Variants in SPMAP2L observed in about 807,000 individuals in gnomAD.
SPMAP2L encodes sperm microtubule associated protein 2-like.
chr4:56,596,122 T>G, the SPMAP2L span, among the ~76,000 whole-genome samples: 1 of 152,232 alleles, frequency 6.6e-6, no homozygotes, highest in South Asian at 2.1e-4. Flanking sequence ...GGACAAATGT[T>G]TACATTTTGT....
the SPMAP2L span, among the ~76,000 whole-genome samples, chr4:56,609,092 C>T: frequency 1.4e-4 from 21 of 148,156 alleles, 1 homozygote; most frequent in South Asian, 1.3e-3. Flanking sequence ...CTCTGTCACC[C>T]GGACTGGAGT....
chr4:56,543,766 T>C, the SPMAP2L span, among the ~76,000 whole-genome samples: 1 of 152,150 alleles, frequency 6.6e-6, no homozygotes, highest in South Asian at 2.1e-4. Flanking sequence ...TGAGATTATA[T>C]TCCCAAGAAT....
chr4:56,598,981 C>T, the SPMAP2L span, among the ~76,000 whole-genome samples: 41 of 152,122 alleles, frequency 2.7e-4, no homozygotes, highest in Admixed American at 4.6e-4. Flanking sequence ...CTCTTGCCCC[C>T]GACCATGTAA....
the SPMAP2L span, among the ~76,000 whole-genome samples, chr4:56,566,398 C>T: frequency 6.6e-6 from 1 of 152,030 alleles, no homozygotes; most frequent in Admixed American, 6.6e-5. Flanking sequence ...AGGGTTTCAC[C>T]ATGTTGGCCA....
chr4:56,593,218 A>G, the SPMAP2L span: 3 of 1,349,176 alleles, frequency 2.2e-6, no homozygotes, highest in Non-Finnish European at 3.2e-6. Flanking sequence ...GTGACATCAC[A>G]GGCCTGGACA....
At chr4:56,589,599 G>A in the SPMAP2L span, among the ~76,000 whole-genome samples, 40,907 of 151,890 alleles carry the variant, frequency 0.27, 7,270 homozygotes, top group African/African-American at 0.5. Flanking sequence ...TGTGTCATCT[G>A]TGATTTCTTT....
At chr4:56,568,218 A>C in the SPMAP2L span, among the ~76,000 whole-genome samples, 1 of 152,166 alleles carries the variant, frequency 6.6e-6, no homozygotes, top group Non-Finnish European at 1.5e-5. Context: ...ATACAGTTAC[A>C]ATAGCTGTTT....
the SPMAP2L span, among the ~76,000 whole-genome samples, chr4:56,548,052 C>G: frequency 6.6e-6 from 1 of 152,154 alleles, no homozygotes; most frequent in South Asian, 2.1e-4. Context: ...CTGACACTAT[C>G]AAATTATTTT....
the SPMAP2L span, among the ~76,000 whole-genome samples, chr4:56,616,365 C>G: frequency 6.6e-6 from 1 of 152,182 alleles, no homozygotes; most frequent in South Asian, 2.1e-4. Flanking sequence ...AAAGCCCTAT[C>G]TCCAAATGCA....
At chr4:56,587,903 C>T in the SPMAP2L span, among the ~76,000 whole-genome samples, 33,876 of 152,138 alleles carry the variant, frequency 0.22, 4,695 homozygotes, top group Non-Finnish European at 0.31. Flanking sequence ...CACTGTTTTC[C>T]ACAGTGGCTG....
At chr4:56,606,606 T>G in the SPMAP2L span, among the ~76,000 whole-genome samples, 1 of 152,082 alleles carries the variant, frequency 6.6e-6, no homozygotes, top group East Asian at 1.9e-4. Context: ...GTAAATCCCC[T>G]GAGGCAGATG....
chr4:56,566,909 CT>C, the SPMAP2L span, among the ~76,000 whole-genome samples: 1 of 151,712 alleles, frequency 6.6e-6, no homozygotes, highest in South Asian at 2.1e-4. Flanking sequence ...GTTGGTGAGG[CT>C]GGTCTCAGAC....
the SPMAP2L span, chr4:56,594,655 G>A: frequency 7.5e-7 from 1 of 1,329,318 alleles, no homozygotes; most frequent in Admixed American, 1.7e-5. Flanking sequence ...TGAAGATTCA[G>A]CCTGTGGAGG....
At chr4:56,550,514 G>A in the SPMAP2L span, among the ~76,000 whole-genome samples, 2 of 152,000 alleles carry the variant, frequency 1.3e-5, no homozygotes, top group Non-Finnish European at 1.5e-5. Context: ...AGTAGAGCGG[G>A]TAGAATTAAC....
chr4:56,596,580 G>A, the SPMAP2L span: 1 of 1,534,276 alleles, frequency 6.5e-7, no homozygotes, highest in African/African-American at 1.4e-5. Context: ...CAAGGATCAA[G>A]TTAGAGGGTC....
the SPMAP2L span, among the ~76,000 whole-genome samples, chr4:56,596,982 A>C: frequency 6.6e-6 from 1 of 152,242 alleles, no homozygotes; most frequent in Non-Finnish European, 1.5e-5. Context: ...CTCTATGCTA[A>C]TCAGGGGAGA....
At chr4:56,594,867 T>A in the SPMAP2L span, 2 of 1,609,664 alleles carry the variant, frequency 1.2e-6, no homozygotes, top group Non-Finnish European at 1.7e-6. Flanking sequence ...CAGGTGGGAA[T>A]CTGTCGCCCT....
chr4:56,593,690 C>A, the SPMAP2L span: 1 of 1,600,360 alleles, frequency 6.2e-7, no homozygotes, highest in Non-Finnish European at 8.6e-7. Flanking sequence ...GAGAATGATG[C>A]CTGGAAGAAT....
the SPMAP2L span, chr4:56,595,756 G>A: frequency 1.2e-6 from 1 of 846,756 alleles, no homozygotes; most frequent in South Asian, 1.3e-5. Flanking sequence ...CTGATTTGGT[G>A]CCTCTCCCCA....
Sources: gnomAD v4.1 joint callset for allele counts (sites outside exome capture counted in the v4.1 genomes callset) on GRCh38, gnomAD v4.1.1 for gene constraint, MANE v1.5 for transcripts, NCBI Gene and HGNC (gene_info 2026-07-23, HGNC 2026-07-21) for gene names.